The following HELZ variants were observed in gnomAD, a reference collection of about 807,000 sequenced individuals.
The protein encoded by HELZ is ATP-dependent RNA helicase with zinc finger domain.
HELZ carries 23 observed loss-of-function variants against 218.2 expected under a neutral mutation model. That is an observed-to-expected ratio of 0.11 (90% confidence interval 0.08 to 0.15). The LOEUF is 0.15. Among genes scored for constraint, HELZ ranks in the 10% least tolerant of loss-of-function variants. The pLI is 1.00. For synonymous variants in HELZ, 814 were observed against 829.4 expected, an observed-to-expected ratio of 0.98 and a Z score of 0.32; for missense variants, 1,813 against 2,353.7, an observed-to-expected ratio of 0.77 and a Z score of 4.75.
chr17:67,166,382 C>A, intron 15 of HELZ, 96 bp downstream of exon 15: 1 of 1,099,926 alleles, frequency 9.1e-7, no homozygotes, highest in Non-Finnish European at 1.3e-6. Context: ...AAAGCAAAGG[C>A]AAACTTTCTT....
intron 9 of HELZ, among the ~76,000 whole-genome samples, chr17:67,190,968 A>AT (rs144506884): frequency 0.039 from 5,870 of 152,216 alleles, 388 homozygotes; most frequent in African/African-American, 0.13. Context: ...TCGGCCTCCC[A>AT]AAGTGCTGGG....
At chr17:67,182,273 C>T (rs2039634748) in intron 12 of HELZ, among the ~76,000 whole-genome samples, 1 of 152,068 alleles carries the variant, frequency 6.6e-6, no homozygotes, top group Non-Finnish European at 1.5e-5. Context: ...GAAACCCCAT[C>T]TCTACTAAAA....
chr17:67,090,457 T>C (rs992205278), intron 31 of HELZ, among the ~76,000 whole-genome samples: 3 of 152,162 alleles, frequency 2.0e-5, no homozygotes, highest in Non-Finnish European at 4.4e-5. Context: ...CTGGAAAAGA[T>C]TGTGTAAGTT....
chr17:67,192,657 G>A (rs1056312082), intron 9 of HELZ, among the ~76,000 whole-genome samples: 3 of 152,062 alleles, frequency 2.0e-5, no homozygotes, highest in Non-Finnish European at 2.9e-5. Context: ...AACACCACTA[G>A]GATTTTCAAT....
Position 67,072,356 on chromosome 17 carries a change from A to G in HELZ, c.*5896T>C, listed in dbSNP as rs531068708. Reference sequence around the variant, plus strand: ...GCCCCGAAGAAAAAAAAACAAAACTATTATTTTATTATTTAAGGATTATCT... The same window carrying G: ...GCCCCGAAGAAAAAAAAACAAAACTGTTATTTTATTATTTAAGGATTATCT... On this transcript the variant is annotated 3_prime_UTR_variant, in exon 33 of 33. Coordinates refer to ENST00000358691, the MANE Select transcript of HELZ (RefSeq NM_014877.4). 6.6e-6 allele frequency: 1 copy of G among 152,636 alleles called. No homozygotes were observed. The highest frequency in any genetic ancestry group is 2.1e-4 in the South Asian group (1 of 4,812). The allele number at this position is 152,636 out of a possible 1,614,324, so 9.5% of individuals were successfully genotyped here. A position where few individuals can be genotyped will look rare whatever the true frequency, so the allele number is the denominator to read the frequency against.
At chr17:67,114,262 A>G in intron 28 of HELZ, 62 bp downstream of exon 28, 2 of 1,112,108 alleles carry the variant, frequency 1.8e-6, no homozygotes, top group South Asian at 1.3e-5. Flanking sequence ...TAAAACATCA[A>G]GATTCCAAGA....
chr17:67,084,767 T>G lies in HELZ; in HGVS notation c.5494+2062A>C, dbSNP rs573618441. Among the ~76,000 whole-genome samples, 3 of 152,294 alleles carry G rather than the reference T, an allele frequency of 2.0e-5. No individual in the cohort carries two copies. The South Asian group carries it at 6.2e-4, about 32-fold the overall frequency. ...AAAGTAACAAATTATTATCACTGAT[T>G]TGTAATGTAGATGTTTGCCAGGAAA... is the stretch of plus-strand genomic sequence containing the variant. On this transcript the variant is annotated intron_variant, in intron 32 of 32. Coordinates refer to ENST00000358691, the MANE Select transcript of HELZ (RefSeq NM_014877.4).
chr17:67,125,081 C>G (rs1455347401), intron 24 of HELZ, among the ~76,000 whole-genome samples: 2 of 151,100 alleles, frequency 1.3e-5, no homozygotes, highest in Non-Finnish European at 2.9e-5. Flanking sequence ...TTTGATTTAC[C>G]TACCTATCTA....
Position 67,148,795 on chromosome 17 carries a change from T to G in HELZ, c.2476-81A>C, listed in dbSNP as rs567031042. On this transcript the variant is annotated intron_variant, in intron 19 of 32. Transcript: ENST00000358691. The stretch of plus-strand genomic sequence containing the variant: ...TAACCTACTTATAAAAAATCCACTA[T>G]GCTAAAACTTCTTATATACAAAACT... 8.4e-6 allele frequency: 11 copies of G among 1,310,838 alleles called. No individual in the cohort carries two copies. In the South Asian group the frequency reaches 1.6e-4, roughly 19 times the overall value. 81.2% of individuals were successfully genotyped at this position (1,310,838 alleles called of 1,614,324 possible).
chr17:67,108,575 G>C lies in HELZ; in HGVS notation c.4641C>G (p.Pro1547=). ...TCACTGGCGGCTGATGTAATCCCAG[G>C]GGCGGCTGAGGAAGATGCTGGAGGT... ...HPHLQHLPQP[P]LGLHQPPVRA... The change falls in exon 30 of 33, where the codon CCC becomes CCG. Residue 1547 remains proline (P), a synonymous_variant. Transcript: ENST00000358691. This position sits in a 1 kb window ranked among gnomAD's most constrained non-coding sequence, Gnocchi z 4.1. The C allele has an allele frequency of 6.2e-7, 1 of 1,614,032 alleles. No homozygotes were observed. The highest frequency in any genetic ancestry group is 1.1e-5 in the South Asian group (1 of 91,084).
rs1047315379 is a variant in HELZ at position 67,160,291 on chromosome 17, T to C, written c.2147A>G (p.Glu716Gly). Residue 716 changes from glutamate to glycine, a missense_variant, in exon 17 of 33, where the codon GAA becomes GGA. Glu to Gly is a moderately conservative substitution (Grantham distance 98). This residue lies in a region of HELZ where 714 missense variants were observed against 1,029.2 expected (regional missense o/e 0.69). Coordinates refer to ENST00000358691, the MANE Select transcript of HELZ (RefSeq NM_014877.4). ...AGGTCTTGCCTGGGGATTGCCTGCTTCTACATATGGATGTAAATAATCCTT... is the reference window on the plus strand; with the variant it reads ...AGGTCTTGCCTGGGGATTGCCTGCTCCTACATATGGATGTAAATAATCCTT... Reference protein sequence around the residue: ...YIKDYLHPYVEAGNPQARPLR... With the variant: ...YIKDYLHPYVGAGNPQARPLR... 6.2e-7 allele frequency: 1 copy of C among 1,611,974 alleles called. No individual in the cohort carries two copies. The highest frequency in any genetic ancestry group is 1.7e-5 in the Admixed American group (1 of 60,014).
chr17:67,209,330 G>A (rs1445498030), intron 5 of HELZ, among the ~76,000 whole-genome samples: 8 of 152,172 alleles, frequency 5.3e-5, no homozygotes, highest in Admixed American at 3.9e-4. Context: ...GGACGCGGTG[G>A]CTCACGCCTG....
chr17:67,184,950 T>C lies in HELZ; in HGVS notation c.1162+3369A>G, dbSNP rs2039715816. 2.0e-5 allele frequency among the ~76,000 whole-genome samples: 3 copies of C among 152,300 alleles called. No homozygotes were observed. In the South Asian group the frequency reaches 6.2e-4, roughly 32 times the overall value. On this transcript the variant is annotated intron_variant, in intron 12 of 32. Transcript: ENST00000358691. ...ATAATTTATAATATTTTCGAAACCA[T>C]ATGGAAATATGACAGATCCCAGACC...
intron 28 of HELZ, among the ~76,000 whole-genome samples, chr17:67,110,561 A>T (rs2037249968): frequency 6.6e-6 from 1 of 152,190 alleles, no homozygotes. Context: ...TGGCCAAACA[A>T]TACACTGTGC....
chr17:67,197,900 C>T (rs1270280341), intron 7 of HELZ, among the ~76,000 whole-genome samples: 1 of 151,800 alleles, frequency 6.6e-6, no homozygotes, highest in East Asian at 1.9e-4. Context: ...AAACGAAGGG[C>T]TGAATATAAG....
intron 17 of HELZ, among the ~76,000 whole-genome samples, chr17:67,159,414 A>G (rs2038934388): frequency 6.6e-6 from 1 of 152,196 alleles, no homozygotes; most frequent in Admixed American, 6.5e-5. Context: ...ATTAAATAAC[A>G]TAATTTCATT....
chr17:67,145,928 T>A, intron 20 of HELZ, 38 bp from the exon 21 acceptor site: 1 of 1,572,296 alleles, frequency 6.4e-7, no homozygotes, highest in Non-Finnish European at 8.6e-7. Context: ...GGGGAAAATC[T>A]ACATCAAAAT....
intron 5 of HELZ, among the ~76,000 whole-genome samples, chr17:67,208,940 CA>C (rs533615024): frequency 3.5e-5 from 4 of 114,936 alleles, no homozygotes; most frequent in Admixed American, 1.9e-4. Flanking sequence ...AACTCTGTCT[CA>C]AAAAAAAAGA....
At chr17:67,177,311 T>A (rs1209837808) in intron 13 of HELZ, among the ~76,000 whole-genome samples, 48 of 152,148 alleles carry the variant, frequency 3.2e-4, no homozygotes. Flanking sequence ...CTTTTTTCCA[T>A]CCAGACAAGT....
Sources: gnomAD v4.1 joint callset for allele counts (sites outside exome capture counted in the v4.1 genomes callset) on GRCh38, gnomAD v4.1.1 for gene constraint, gnomAD v4.1.1 regional missense constraint, Gnocchi (gnomAD v3.1) non-coding constraint, MANE v1.5 for transcripts, NCBI Gene and HGNC (gene_info 2026-07-23, HGNC 2026-07-21) for gene names.